The following TEX11 variants were observed in gnomAD, a reference collection of about 807,000 sequenced individuals.
TEX11 encodes the protein testis-expressed protein 11.
TEX11 carries 7 observed loss-of-function variants against 84.4 expected under a neutral mutation model. That is an observed-to-expected ratio of 0.08 (90% CI 0.05 to 0.16). TEX11 has a LOEUF of 0.16. Among genes scored for constraint, TEX11 ranks in the 10% least tolerant of loss-of-function variants. The probability of loss-of-function intolerance (pLI) is 1.00; values close to 1 mark genes in which losing one functional copy is unlikely to be tolerated. For synonymous variants in TEX11, 264 were observed against 222.8 expected, an observed-to-expected ratio of 1.18 and a Z score of -1.64; for missense variants, 551 against 660.5, an observed-to-expected ratio of 0.83 and a Z score of 1.82.
chrX:70,727,930 T>G (rs957887158), intron 11 of TEX11, among the ~76,000 whole-genome samples: 29 of 112,283 alleles, frequency 2.6e-4, no homozygotes, highest in African/African-American at 9.1e-4. Flanking sequence ...ACCCAGTTTA[T>G]AGTATTTAGT....
intron 9 of TEX11, among the ~76,000 whole-genome samples, chrX:70,775,302 C>T (rs750474538): frequency 9.0e-6 from 1 of 111,144 alleles, no homozygotes; most frequent in East Asian, 2.8e-4. Flanking sequence ...TGGCTACAAC[C>T]TCAAAAAGAC....
chrX:70,564,974 T>C (rs1363070273), intron 25 of TEX11, among the ~76,000 whole-genome samples: 5 of 107,893 alleles, frequency 4.6e-5, no homozygotes, highest in Non-Finnish European at 7.7e-5. Flanking sequence ...CCTGAGGAAT[T>C]GCCACACTGA....
the TEX11 span, among the ~76,000 whole-genome samples, chrX:70,515,813 C>T: frequency 9.8e-5 from 11 of 112,404 alleles, no homozygotes; most frequent in African/African-American, 3.2e-4. Flanking sequence ...GATTGCCATT[C>T]TAACTGGAGT....
In TEX11 at chrX:70,606,970, G is replaced by T; in HGVS notation, c.1939C>A (p.Leu647Ile). Reference sequence around the variant, plus strand: ...TAAAAGAAACTTACCTTATAAGAAAGTATAAAAAACTCTCTCATCATCACT... The same window carrying T: ...TAAAAGAAACTTACCTTATAAGAAATTATAAAAAACTCTCTCATCATCACT... The part of the protein sequence containing the change: ...DPVMMREFFI[L>I]SYKMSQFCPS... Residue 647 changes from leucine to isoleucine, a missense_variant, in exon 23 of 30, where the codon CTT becomes ATT. Transcript: ENST00000374333. 1 of 1,192,064 alleles carries T rather than the reference G, an allele frequency of 8.4e-7. No individual in the cohort carries two copies. The highest frequency in any genetic ancestry group is 1.1e-6 in the Non-Finnish European group (1 of 884,205).
chrX:70,768,550 T>C (rs1338317091), intron 9 of TEX11, among the ~76,000 whole-genome samples: 1 of 110,713 alleles, frequency 9.0e-6, no homozygotes, highest in Non-Finnish European at 1.9e-5. Flanking sequence ...ATGGCAGAAA[T>C]AGAAGCAGGT....
intron 11 of TEX11, among the ~76,000 whole-genome samples, chrX:70,740,476 C>T (rs761946522): frequency 9.0e-6 from 1 of 111,729 alleles, no homozygotes; most frequent in Non-Finnish European, 1.9e-5. Context: ...AAGTCCCCAC[C>T]TCTTAATATC....
intron 16 of TEX11, among the ~76,000 whole-genome samples, chrX:70,655,132 T>G (rs1382996330): frequency 9.0e-6 from 1 of 110,934 alleles, no homozygotes; most frequent in Non-Finnish European, 1.9e-5. Flanking sequence ...AATGATAAAA[T>G]TAAATGAAGA....
At chrX:70,752,925 C>A (rs1349832415) in intron 9 of TEX11, among the ~76,000 whole-genome samples, 2 of 110,198 alleles carry the variant, frequency 1.8e-5, no homozygotes, top group Admixed American at 9.8e-5. Flanking sequence ...AATTATGAGG[C>A]ATTGAACTCA....
At chrX:70,715,220 T>TG (rs1569415695) in intron 13 of TEX11, among the ~76,000 whole-genome samples, 1 of 104,723 alleles carries the variant, frequency 9.5e-6, no homozygotes, top group African/African-American at 4.0e-5. Flanking sequence ...CTGGCTTCAC[T>TG]TAACATTTTT....
chrX:70,753,391 T>C lies in TEX11; in HGVS notation c.693-9172A>G, dbSNP rs185431544. On this transcript the variant is annotated intron_variant, in intron 9 of 29. Transcript: ENST00000374333. ...GTGGGGAGAACTTTGTCTTGCATCT[T>C]GGATACCAGCTCAGCTACAGTAGGA... is the stretch of plus-strand genomic sequence containing the variant. Among the ~76,000 whole-genome samples the C allele has an allele frequency of 2.6e-3, 289 of 111,327 alleles. 3 individuals carry two copies. The highest frequency in any genetic ancestry group is 8.7e-3 in the African/African-American group (266 of 30,647).
intron 17 of TEX11, among the ~76,000 whole-genome samples, chrX:70,647,665 C>CAA (rs749445416): frequency 3.6e-5 from 2 of 56,161 alleles, no homozygotes; most frequent in East Asian, 7.3e-4. Flanking sequence ...GACCTTGCTT[C>CAA]AAAAAAATAA....
rs779649172 is a variant in TEX11 at position 70,837,868 on chromosome X, T to C, written c.526-4275A>G. On this transcript the variant is annotated intron_variant, in intron 7 of 29. Coordinates refer to ENST00000374333, the MANE Select transcript of TEX11 (RefSeq NM_031276.3). ...GTGGTAGTGAACATGAATCTTCACCTACACATGTGCTGAAATTGTATAGAG... is the reference window on the plus strand; with the variant it reads ...GTGGTAGTGAACATGAATCTTCACCCACACATGTGCTGAAATTGTATAGAG... 2.7e-5 allele frequency among the ~76,000 whole-genome samples: 3 copies of C among 111,783 alleles called. No individual in the cohort carries two copies. The East Asian group carries it at 8.5e-4, about 31-fold the overall frequency.
chrX:70,661,034 AGT>A (rs1015660073), intron 16 of TEX11, among the ~76,000 whole-genome samples: 7 of 112,292 alleles, frequency 6.2e-5, no homozygotes, highest in African/African-American at 2.3e-4. Context: ...GGTGCAGGAC[AGT>A]GGGTGCAGCA....
chrX:70,657,738 T>C (rs1300003583), intron 16 of TEX11, among the ~76,000 whole-genome samples: 3 of 109,157 alleles, frequency 2.7e-5, no homozygotes, highest in African/African-American at 6.7e-5. Context: ...TGGAATACTA[T>C]GCAGCCATAA....
At chrX:70,867,536 A>G (rs192489764) in intron 4 of TEX11, among the ~76,000 whole-genome samples, 162 of 111,985 alleles carry the variant, frequency 1.4e-3, no homozygotes, top group African/African-American at 4.9e-3. Context: ...TAAATTTCAT[A>G]TGGAACCAAA....
chrX:70,832,009 A>G (rs1378062756), intron 8 of TEX11, among the ~76,000 whole-genome samples: 1 of 111,822 alleles, frequency 8.9e-6, no homozygotes, highest in African/African-American at 3.2e-5. Flanking sequence ...GAAATGATAC[A>G]GGTTTACAGT....
intron 8 of TEX11, among the ~76,000 whole-genome samples, chrX:70,826,549 C>A (rs1225671104): frequency 8.9e-6 from 1 of 111,790 alleles, no homozygotes; most frequent in Admixed American, 9.5e-5. Context: ...CACCCCTCCC[C>A]GCTTCCCTGG....
intron 25 of TEX11, among the ~76,000 whole-genome samples, chrX:70,566,155 T>C: frequency 9.5e-6 from 1 of 104,960 alleles, no homozygotes; most frequent in African/African-American, 3.5e-5. Context: ...TATTTTATTC[T>C]CTTTGAAGCA....
chrX:70,752,642 T>A (rs1306295308), intron 9 of TEX11, among the ~76,000 whole-genome samples: 1 of 107,941 alleles, frequency 9.3e-6, no homozygotes. Context: ...ATTCCAGAGG[T>A]GGAACAAGAT....
Sources: gnomAD v4.1 joint callset for allele counts (sites outside exome capture counted in the v4.1 genomes callset) on GRCh38, gnomAD v4.1.1 for gene constraint, MANE v1.5 for transcripts, NCBI Gene and HGNC (gene_info 2026-07-23, HGNC 2026-07-21) for gene names.